The following SVIL variants were observed in gnomAD, a reference collection of about 807,000 sequenced individuals.
The protein encoded by SVIL is archvillin.
In SVIL, 101 loss-of-function variants were observed where a neutral mutation model predicts 240.4. That is an observed-to-expected ratio of 0.42 (90% confidence interval 0.36 to 0.50). The LOEUF (loss-of-function observed/expected upper bound fraction) is 0.50, where lower values mean the gene tolerates loss of function less well. SVIL is among the 20% of genes least tolerant of loss of function. SVIL has a pLI of 0.01. For synonymous variants in SVIL, 999 were observed against 1,100.0 expected, an observed-to-expected ratio of 0.91 and a Z score of 1.82; for missense variants, 2,512 against 2,818.7, an observed-to-expected ratio of 0.89 and a Z score of 2.46.
At chr10:29,471,733 C>G (rs1588853148) in intron 30 of SVIL, among the ~76,000 whole-genome samples, 1 of 152,348 alleles carries the variant, frequency 6.6e-6, no homozygotes, top group East Asian at 1.9e-4. Flanking sequence ...AGAGAAGGCT[C>G]TTCCTTCAGG....
rs558887966 is a variant in SVIL at position 29,477,897 on chromosome 10, T to C, written c.5377+2640A>G. 5.3e-5 allele frequency among the ~76,000 whole-genome samples: 8 copies of C among 152,370 alleles called. No homozygotes were observed. In the South Asian group the frequency reaches 1.7e-3, roughly 32 times the overall value. On this transcript the variant is annotated intron_variant, in intron 29 of 37. Coordinates refer to ENST00000355867, the MANE Select transcript of SVIL (RefSeq NM_021738.3). Reference sequence around the variant, plus strand: ...TAAGGGCCTCCAAGTCAATAGTCCATGAAAGTCTGAACTCTTCGCTTTATT... The same window carrying C: ...TAAGGGCCTCCAAGTCAATAGTCCACGAAAGTCTGAACTCTTCGCTTTATT...
At chr10:29,493,706 C>T (rs1439909103) in intron 20 of SVIL, among the ~76,000 whole-genome samples, 1 of 150,698 alleles carries the variant, frequency 6.6e-6, no homozygotes, top group Non-Finnish European at 1.5e-5. Context: ...CCTCATTCTA[C>T]GTGAAGGGTT....
At chr10:29,489,810 A>G (rs1368823894) in intron 22 of SVIL, among the ~76,000 whole-genome samples, 4 of 152,174 alleles carry the variant, frequency 2.6e-5, no homozygotes, top group Non-Finnish European at 5.9e-5. Flanking sequence ...TGCCTCCTGA[A>G]GTGCTGGGAT....
chr10:29,733,491 A>G (rs1227969876), intron 1 of SVIL, among the ~76,000 whole-genome samples: 1 of 152,058 alleles, frequency 6.6e-6, no homozygotes, highest in Non-Finnish European at 1.5e-5. Context: ...ATTTTGTAGA[A>G]ACAGGGTCTC....
chr10:29,489,146 C>T (rs1947714880), intron 22 of SVIL, among the ~76,000 whole-genome samples: 1 of 152,230 alleles, frequency 6.6e-6, no homozygotes, highest in Non-Finnish European at 1.5e-5. Context: ...TGTTAGACCG[C>T]TTTCACCAAA....
rs190013442 is a variant in SVIL at position 29,589,359 on chromosome 10, T to C, written c.-200-20047A>G. Among the ~76,000 whole-genome samples, 1,160 of 152,226 alleles carry C rather than the reference T, an allele frequency of 7.6e-3. 12 individuals carry two copies. The highest frequency in any genetic ancestry group is 0.022 in the African/African-American group (908 of 41,544). ...GATCCACAGCTGGCCAACAGTGTGG[T>C]GGGAATCTGGAGGGGAGGAGAGCGG... On this transcript the variant is annotated intron_variant, in intron 1 of 37. Transcript: ENST00000355867.
At chr10:29,526,807 T>C (rs1267344356) in intron 13 of SVIL, among the ~76,000 whole-genome samples, 154 bp downstream of exon 13, 1 of 152,260 alleles carries the variant, frequency 6.6e-6, no homozygotes, top group East Asian at 1.9e-4. Context: ...ATCAGCACCT[T>C]GTGCTATGAC....
chr10:29,711,762 A>G (rs895584034), intron 1 of SVIL, among the ~76,000 whole-genome samples: 6 of 151,812 alleles, frequency 4.0e-5, no homozygotes, highest in African/African-American at 1.5e-4. Flanking sequence ...ACTCTGTCTC[A>G]AGGAAAAAAA....
intron 18 of SVIL, among the ~76,000 whole-genome samples, chr10:29,495,919 T>C (rs567084674): frequency 6.6e-6 from 1 of 152,292 alleles, no homozygotes; most frequent in African/African-American, 2.4e-5. Context: ...GCTTCCCTAA[T>C]CTAAGTGGAA....
At chr10:29,570,351 C>A (rs1955330716) in intron 1 of SVIL, among the ~76,000 whole-genome samples, 1 of 152,208 alleles carries the variant, frequency 6.6e-6, no homozygotes, top group South Asian at 2.1e-4. Flanking sequence ...CTGAATTGTT[C>A]AAGTCACTTC....
intron 1 of SVIL, among the ~76,000 whole-genome samples, chr10:29,591,235 C>T (rs1429441129): frequency 6.6e-6 from 1 of 152,182 alleles, no homozygotes; most frequent in Non-Finnish European, 1.5e-5. Context: ...ACCTGTGCTT[C>T]TGCATTGCTG....
At chr10:29,507,194 G>A (rs1242599539) in intron 17 of SVIL, among the ~76,000 whole-genome samples, 1 of 152,016 alleles carries the variant, frequency 6.6e-6, no homozygotes, top group African/African-American at 2.4e-5. Context: ...CCCTCGCTGA[G>A]TCTTCCTCCC....
intron 1 of SVIL, among the ~76,000 whole-genome samples, chr10:29,594,565 T>C (rs1024431673): frequency 6.6e-6 from 1 of 151,112 alleles, no homozygotes; most frequent in Non-Finnish European, 1.5e-5. Context: ...TTTTCTTTTT[T>C]TTTTTTTTTG....
At chr10:29,664,456 C>A (rs1360528808) in intron 2 of SVIL, among the ~76,000 whole-genome samples, 1 of 152,036 alleles carries the variant, frequency 6.6e-6, no homozygotes, top group Admixed American at 6.6e-5. Context: ...AGCTCAGCGA[C>A]CTCTCCCTGT....
intron 1 of SVIL, among the ~76,000 whole-genome samples, chr10:29,599,493 G>A (rs1229620687): frequency 6.6e-6 from 1 of 151,694 alleles, no homozygotes; most frequent in Non-Finnish European, 1.5e-5. Flanking sequence ...TCAGCTCACT[G>A]CAACCTCTGC....
intron 1 of SVIL, among the ~76,000 whole-genome samples, chr10:29,704,742 T>C (rs1235380017): frequency 3.3e-5 from 5 of 152,142 alleles, no homozygotes; most frequent in Non-Finnish European, 7.3e-5. Context: ...TCCTTGGCCA[T>C]TCAGGTACCT....
At chr10:29,506,766 C>CCCTAGAGGGAGGGGACAGAGGT (rs1564535655) in intron 17 of SVIL, among the ~76,000 whole-genome samples, 4 of 147,834 alleles carry the variant, frequency 2.7e-5, no homozygotes, top group African/African-American at 1.0e-4. Flanking sequence ...GGGACAGAGG[C>CCCTAGAGGGAGGGGACAGAGGT]CCTAGAGGGA....
chr10:29,652,776 T>C (rs911608236), intron 3 of SVIL, among the ~76,000 whole-genome samples: 4 of 152,214 alleles, frequency 2.6e-5, no homozygotes, highest in African/African-American at 9.7e-5. Context: ...TAATTTGCAT[T>C]TCCCTAATGG....
intron 3 of SVIL, among the ~76,000 whole-genome samples, chr10:29,647,477 A>G (rs1958695961): frequency 6.6e-6 from 1 of 152,212 alleles, no homozygotes; most frequent in South Asian, 2.1e-4. Context: ...TCTTAAAGCT[A>G]GCAAAGAAAA....
Sources: gnomAD v4.1 joint callset for allele counts (sites outside exome capture counted in the v4.1 genomes callset) on GRCh38, gnomAD v4.1.1 for gene constraint, MANE v1.5 for transcripts, NCBI Gene and HGNC (gene_info 2026-07-23, HGNC 2026-07-21) for gene names.